The following EML6 variants were observed in gnomAD, a reference collection of about 807,000 sequenced individuals.
The protein encoded by EML6 is echinoderm microtubule-associated protein-like 6.
EML6 carries 154 observed loss-of-function variants against 240.1 expected under a neutral mutation model. The ratio of observed to expected loss-of-function variants is 0.64; its 90% CI spans 0.56 to 0.73. EML6 has a LOEUF of 0.73. EML6 is among the 30% of genes least tolerant of loss of function. EML6 has a pLI of 0.00. For missense variants in EML6, 2,964 were observed against 2,474.6 expected (o/e 1.20, Z -4.20); for synonymous variants, 1,148 against 899.0 (o/e 1.28, Z -4.95).
chr2:54,885,437 A>C (rs953683110), intron 17 of EML6, among the ~76,000 whole-genome samples: 1 of 151,452 alleles, frequency 6.6e-6, no homozygotes, highest in Non-Finnish European at 1.5e-5. Flanking sequence ...ACAAGAACGA[A>C]ACTCTGTCTC....
At chr2:54,749,634 T>G (rs1684069369) in intron 2 of EML6, among the ~76,000 whole-genome samples, 1 of 152,200 alleles carries the variant, frequency 6.6e-6, no homozygotes, top group South Asian at 2.1e-4. Flanking sequence ...CATTACCTTA[T>G]TTAATGCTCA....
chr2:54,841,830 C>T (rs981137964), intron 7 of EML6, among the ~76,000 whole-genome samples: 17 of 152,022 alleles, frequency 1.1e-4, no homozygotes, highest in African/African-American at 2.7e-4. Context: ...TGGCCTCAAG[C>T]GATCTGCCTG....
At chr2:54,819,153 G>A (rs964917342) in intron 4 of EML6, among the ~76,000 whole-genome samples, 2 of 152,076 alleles carry the variant, frequency 1.3e-5, no homozygotes, top group Non-Finnish European at 2.9e-5. Flanking sequence ...GACCATAATT[G>A]CTCCTTTATA....
chr2:54,840,304 T>G (rs1157406449), intron 7 of EML6, among the ~76,000 whole-genome samples: 3 of 152,146 alleles, frequency 2.0e-5, no homozygotes, highest in African/African-American at 7.2e-5. Context: ...AAACAATCAA[T>G]GGCATTATAA....
chr2:54,856,991 C>G (rs1189724531), intron 11 of EML6, among the ~76,000 whole-genome samples: 7 of 152,112 alleles, frequency 4.6e-5, no homozygotes, highest in Admixed American at 4.6e-4. Flanking sequence ...GAGGGTCTTA[C>G]AGATGGACTG....
chr2:54,821,050 G>T (rs1668310895), intron 5 of EML6, among the ~76,000 whole-genome samples: 1 of 152,044 alleles, frequency 6.6e-6, no homozygotes. Flanking sequence ...CTCTGACATA[G>T]CAAAAATTTC....
At chr2:54,894,359 T>C (rs756979573) in intron 19 of EML6, among the ~76,000 whole-genome samples, 32 of 152,312 alleles carry the variant, frequency 2.1e-4, no homozygotes, top group Non-Finnish European at 4.1e-4. Context: ...TTCCAGGTTT[T>C]TGTAAAAATT....
At chr2:54,845,365 C>T (rs189133822) in intron 8 of EML6, among the ~76,000 whole-genome samples, 1 of 152,296 alleles carries the variant, frequency 6.6e-6, no homozygotes, top group Admixed American at 6.5e-5. Context: ...GAAACTCATA[C>T]CCATCCAGAA....
chr2:54,905,591 G>T (rs1357295595), intron 24 of EML6, among the ~76,000 whole-genome samples: 1 of 152,088 alleles, frequency 6.6e-6, no homozygotes, highest in Non-Finnish European at 1.5e-5. Flanking sequence ...ACAGTTCAAG[G>T]ACGTTAAAAA....
intron 3 of EML6, 23 bp from the exon 4 acceptor site, chr2:54,816,764 T>A: frequency 6.6e-7 from 1 of 1,510,734 alleles, no homozygotes; most frequent in Non-Finnish European, 9.0e-7. Flanking sequence ...TTTTAGGTAC[T>A]AAATTATTGT....
chr2:54,933,897 C>G (rs1350330085), intron 28 of EML6, among the ~76,000 whole-genome samples: 2 of 152,134 alleles, frequency 1.3e-5, no homozygotes, highest in Non-Finnish European at 2.9e-5. Context: ...CCAGATAAAG[C>G]CCCTCATGGT....
chr2:54,931,362 A>G (rs1674855186), intron 28 of EML6, among the ~76,000 whole-genome samples: 1 of 152,154 alleles, frequency 6.6e-6, no homozygotes, highest in African/African-American at 2.4e-5. Context: ...GGAGGGTGGC[A>G]CAAGATGTTA....
chr2:54,872,728 C>G (rs942092538), intron 16 of EML6, among the ~76,000 whole-genome samples: 6 of 152,240 alleles, frequency 3.9e-5, no homozygotes, highest in Non-Finnish European at 7.3e-5. Context: ...GCTACATGCA[C>G]TCTTGCCCTT....
intron 29 of EML6, 135 bp downstream of exon 29, chr2:54,949,095 C>T (rs1344770329): frequency 4.4e-6 from 3 of 685,854 alleles, no homozygotes; most frequent in Non-Finnish European, 7.8e-6. Context: ...GTCCCCTCTC[C>T]CTCCTACGTA....
rs1420348713 is a variant in EML6 at position 54,950,651 on chromosome 2, A to T, written c.4085A>T (p.Glu1362Val). 6.4e-7 allele frequency: 1 copy of T among 1,551,566 alleles called. No individual in the cohort carries two copies. The highest frequency in any genetic ancestry group is 2.0e-5 in the Admixed American group (1 of 51,010). The change falls in exon 30 of 42, where the codon GAG becomes GTG. Residue 1362 changes from glutamate (E) to valine (V), a missense_variant and splice_region_variant. Physicochemically the swap from Glu to Val is moderately radical, Grantham distance 121. Transcript: ENST00000356458. ...ATTGATCTGTGTGTGTGAATGCAGG[A>T]GCTGGCTCTAGACCACGTGTTTGGC... is the stretch of plus-strand genomic sequence containing the variant. Reference protein sequence around the residue: ...NITKKKKLVEELALDHVFGYR... With the variant: ...NITKKKKLVEVLALDHVFGYR...
intron 12 of EML6, among the ~76,000 whole-genome samples, chr2:54,863,186 CT>C (rs1009519067): frequency 1.4e-4 from 22 of 152,270 alleles, no homozygotes; most frequent in African/African-American, 5.3e-4. Context: ...GGTTAAAAGG[CT>C]AAAGAGGATC....
intron 2 of EML6, among the ~76,000 whole-genome samples, chr2:54,757,049 C>CT (rs1304806012): frequency 1.3e-5 from 2 of 151,670 alleles, no homozygotes; most frequent in East Asian, 3.9e-4. Context: ...TTTTAAAATG[C>CT]TTTTTAAAAA....
chr2:54,767,594 A>G (rs993890698), intron 2 of EML6, among the ~76,000 whole-genome samples: 3 of 131,342 alleles, frequency 2.3e-5, no homozygotes, highest in Admixed American at 2.2e-4. Flanking sequence ...AAGTGGTATG[A>G]AGAGTGTGTG....
intron 22 of EML6, 95 bp downstream of exon 22, chr2:54,899,877 G>C: frequency 1.1e-5 from 13 of 1,188,366 alleles, no homozygotes; most frequent in Non-Finnish European, 1.5e-5. Flanking sequence ...GAGGGCACGT[G>C]TTATATGCCC....
Sources: allele counts gnomAD v4.1 joint callset (sites outside exome capture counted in the v4.1 genomes callset), GRCh38; gene constraint gnomAD v4.1.1; transcripts MANE v1.5; gene names NCBI Gene and HGNC (gene_info 2026-07-23, HGNC 2026-07-21).